Variants in SPOCK1 observed in about 807,000 individuals in gnomAD.
SPOCK1 encodes the protein SPARC (osteonectin), cwcv and kazal like domains proteoglycan 1.
In SPOCK1, 23 loss-of-function variants were observed where a neutral mutation model predicts 55.3. That is an observed-to-expected ratio of 0.42 (90% confidence interval 0.30 to 0.59). The LOEUF (loss-of-function observed/expected upper bound fraction) is 0.59. Among genes scored for constraint, SPOCK1 ranks in the 20% least tolerant of loss-of-function variants. The pLI, the probability that SPOCK1 is intolerant of heterozygous loss-of-function variation, is 0.22. For missense variants in SPOCK1, 499 were observed against 552.5 expected, an observed-to-expected ratio of 0.90 and a Z score of 0.97; for synonymous variants, 226 against 221.0, an observed-to-expected ratio of 1.02 and a Z score of -0.20.
At chr5:137,496,648 A>C (rs1388082522) in intron 2 of SPOCK1, among the ~76,000 whole-genome samples, 1 of 152,200 alleles carries the variant, frequency 6.6e-6, no homozygotes. Flanking sequence ...AAAACAAAAC[A>C]AAAAGCAAAA....
intron 2 of SPOCK1, among the ~76,000 whole-genome samples, chr5:137,371,890 G>T (rs2127171070): frequency 6.6e-6 from 1 of 152,262 alleles, no homozygotes; most frequent in South Asian, 2.1e-4. Context: ...CTATCCTCAG[G>T]TGAGATCAGC....
At chr5:137,121,186 A>G (rs900849287) in intron 4 of SPOCK1, among the ~76,000 whole-genome samples, 4 of 152,210 alleles carry the variant, frequency 2.6e-5, no homozygotes, top group African/African-American at 7.2e-5. Context: ...TACGTCCCAT[A>G]ACATACATTA....
intron 2 of SPOCK1, among the ~76,000 whole-genome samples, chr5:137,353,307 T>C (rs1281250771): frequency 6.6e-6 from 1 of 152,188 alleles, no homozygotes; most frequent in Non-Finnish European, 1.5e-5. Flanking sequence ...CTTTAGCCCA[T>C]GAATTCGAGG....
intron 3 of SPOCK1, among the ~76,000 whole-genome samples, chr5:137,235,857 A>G (rs559923065): frequency 4.6e-5 from 7 of 152,366 alleles, no homozygotes; most frequent in Admixed American, 1.3e-4. Context: ...TCATCCGTAC[A>G]TGTTAATGTC....
intron 3 of SPOCK1, among the ~76,000 whole-genome samples, chr5:137,250,012 A>G (rs1756477056): frequency 6.6e-6 from 1 of 152,268 alleles, no homozygotes; most frequent in Non-Finnish European, 1.5e-5. Context: ...TCTATGGCCC[A>G]CAGCCAAATC....
intron 4 of SPOCK1, among the ~76,000 whole-genome samples, chr5:137,124,116 C>T (rs1394484431): frequency 1.3e-5 from 2 of 152,112 alleles, no homozygotes; most frequent in Non-Finnish European, 2.9e-5. Context: ...TTTCCACGTA[C>T]CACAAGACGA....
At chr5:137,318,734 G>A (rs1350067897) in intron 2 of SPOCK1, among the ~76,000 whole-genome samples, 1 of 152,168 alleles carries the variant, frequency 6.6e-6, no homozygotes, top group Non-Finnish European at 1.5e-5. Context: ...AAAGTGTTTG[G>A]GGAGAAAGCT....
intron 3 of SPOCK1, among the ~76,000 whole-genome samples, chr5:137,164,209 A>G (rs150627413): frequency 6.6e-6 from 1 of 152,104 alleles, no homozygotes; most frequent in East Asian, 1.9e-4. Flanking sequence ...TTACTTCTCT[A>G]CCAGATTAAG....
intron 2 of SPOCK1, among the ~76,000 whole-genome samples, chr5:137,430,576 T>C (rs533324958): frequency 3.3e-5 from 5 of 152,316 alleles, no homozygotes; most frequent in African/African-American, 1.2e-4. Flanking sequence ...TCCTTTACAA[T>C]CTACTAAGTG....
rs1750814461 is a variant in SPOCK1 at position 136,985,170 on chromosome 5, G to A, written c.961C>T (p.Gln321Ter). 1 of 1,613,982 alleles carries A rather than the reference G, an allele frequency of 6.2e-7. No homozygotes were observed. Among genetic ancestry groups the A allele is most frequent in the African/African-American group, 1.3e-5 (1 of 74,906 alleles). The stretch of plus-strand genomic sequence containing the variant: ...AGGCTTTTCCCCTTACTCAGCTTCT[G>A]AATTCTGTTCATTTCATTCTGGCAA... ...LPCQNEMNRI[Q>*]KLSKGKSLLG... is the part of the protein sequence containing the mutation. Residue 321 changes from glutamine to a stop codon, truncating the protein, a stop_gained, in exon 9 of 11, where the codon CAG becomes TAG. Transcript: ENST00000394945. LOFTEE classifies it high-confidence loss of function.
intron 4 of SPOCK1, among the ~76,000 whole-genome samples, chr5:137,128,991 C>T (rs2127043076): frequency 6.6e-6 from 1 of 152,336 alleles, no homozygotes; most frequent in East Asian, 1.9e-4. Context: ...GTACAAAAGT[C>T]TGCTTTAAAG....
intron 2 of SPOCK1, among the ~76,000 whole-genome samples, chr5:137,306,320 C>T (rs191702385): frequency 1.3e-5 from 2 of 152,300 alleles, no homozygotes; most frequent in African/African-American, 4.8e-5. Context: ...TGGAAGTTCT[C>T]ATCCAATAGG....
chr5:137,046,408 T>C (rs1271210958), intron 6 of SPOCK1, among the ~76,000 whole-genome samples: 1 of 151,944 alleles, frequency 6.6e-6, no homozygotes, highest in East Asian at 1.9e-4. Flanking sequence ...TTTGAAGCAA[T>C]TGTGAATGGG....
chr5:137,374,645 A>G (rs760420095), intron 2 of SPOCK1, among the ~76,000 whole-genome samples: 4 of 152,160 alleles, frequency 2.6e-5, no homozygotes, highest in African/African-American at 4.8e-5. Context: ...CTCTGCAGAA[A>G]ATGACACTGA....
At chr5:137,146,903 G>T (rs1769346070) in intron 3 of SPOCK1, among the ~76,000 whole-genome samples, 9 of 152,214 alleles carry the variant, frequency 5.9e-5, no homozygotes, top group Admixed American at 5.9e-4. Flanking sequence ...TGCATTTAAG[G>T]ATTGGGGAAT....
Position 137,019,931 on chromosome 5 carries a change from A to G in SPOCK1, c.590-27331T>C, listed in dbSNP as rs567580668. Among the ~76,000 whole-genome samples the G allele has an allele frequency of 2.6e-5, 4 of 152,160 alleles. No homozygotes were observed. The East Asian group carries it at 5.8e-4, about 22-fold the overall frequency. ...ATGCCATATAAGTTAGAGCTAAAGT[A>G]TCCTAAACTTCTTCCTTGTATTGTC... On this transcript the variant is annotated intron_variant, in intron 6 of 10. Coordinates refer to ENST00000394945, the MANE Select transcript of SPOCK1 (RefSeq NM_004598.4).
intron 2 of SPOCK1, among the ~76,000 whole-genome samples, chr5:137,343,566 T>C (rs1232789175): frequency 1.3e-5 from 2 of 152,160 alleles, no homozygotes; most frequent in Non-Finnish European, 2.9e-5. Context: ...GCCTCAACTC[T>C]AGCAACCATC....
At chr5:137,258,044 T>C (rs1303385520) in intron 3 of SPOCK1, among the ~76,000 whole-genome samples, 2 of 152,194 alleles carry the variant, frequency 1.3e-5, no homozygotes, top group African/African-American at 2.4e-5. Flanking sequence ...TCCTTCCCAA[T>C]ATGAAACACC....
chr5:137,022,870 T>C lies in SPOCK1; in HGVS notation c.590-30270A>G, dbSNP rs190797020. On this transcript the variant is annotated intron_variant, in intron 6 of 10. Transcript: ENST00000394945. ...ATGGGCCATAGATAGAATTCTCCAC[T>C]GCTCATTGGCTGAGAACACATCAAT... Among the ~76,000 whole-genome samples, 587 of 152,312 alleles carry C rather than the reference T, an allele frequency of 3.9e-3. 2 individuals carry two copies. Among genetic ancestry groups the C allele is most frequent in the Non-Finnish European group, 6.6e-3 (449 of 68,012 alleles).
Sources: allele counts gnomAD v4.1 joint callset (sites outside exome capture counted in the v4.1 genomes callset), GRCh38; gene constraint gnomAD v4.1.1; transcripts MANE v1.5; gene names NCBI Gene and HGNC (gene_info 2026-07-23, HGNC 2026-07-21).